MTMR3: variants seen among roughly 807,000 people sequenced by gnomAD.
MTMR3 encodes the protein phosphatidylinositol-3,5-bisphosphate 3-phosphatase MTMR3.
A neutral mutation model predicts 132.4 loss-of-function variants in MTMR3; 32 were observed. The observed-to-expected ratio is 0.24, with a 90% CI of 0.18 to 0.32. The LOEUF is 0.32. Among genes scored for constraint, MTMR3 ranks in the 10% least tolerant of loss-of-function variants. The probability of loss-of-function intolerance (pLI) is 1.00; values close to 1 mark genes in which losing one functional copy is unlikely to be tolerated. For synonymous variants in MTMR3, 556 were observed against 550.3 expected, an observed-to-expected ratio of 1.01 and a Z score of -0.14; for missense variants, 1,216 against 1,489.6, an observed-to-expected ratio of 0.82 and a Z score of 3.02.
intron 1 of MTMR3, among the ~76,000 whole-genome samples, chr22:29,893,240 G>T (rs968975749): frequency 6.6e-6 from 1 of 152,126 alleles, no homozygotes; most frequent in African/African-American, 2.4e-5. Flanking sequence ...CGTGGAAGAG[G>T]TCTTGAATTT....
At chr22:29,924,279 T>A (rs1325054190) in intron 1 of MTMR3, among the ~76,000 whole-genome samples, 1 of 152,250 alleles carries the variant, frequency 6.6e-6, no homozygotes, top group Non-Finnish European at 1.5e-5. Flanking sequence ...GTTTTGCTTA[T>A]GGATATCCAG....
chr22:30,006,865 T>G, intron 9 of MTMR3: 1 of 449,220 alleles, frequency 2.2e-6, no homozygotes, highest in Non-Finnish European at 4.1e-6. Context: ...TGACCCCTGT[T>G]AGTCATTTTT....
chr22:29,979,105 A>G, intron 5 of MTMR3, 53 bp downstream of exon 5: 1 of 1,216,806 alleles, frequency 8.2e-7, no homozygotes, highest in Middle Eastern at 1.9e-4. Context: ...AAGTAAGTCA[A>G]AAAACTTAAT....
chr22:29,912,936 G>A (rs1361826250), intron 1 of MTMR3, among the ~76,000 whole-genome samples: 6 of 151,976 alleles, frequency 3.9e-5, no homozygotes, highest in African/African-American at 1.5e-4. Context: ...CATAGTTCTG[G>A]AGCTCCATCG....
intron 1 of MTMR3, among the ~76,000 whole-genome samples, chr22:29,896,869 TCA>T (rs61038012): frequency 0.014 from 1,938 of 138,182 alleles, 34 homozygotes; most frequent in African/African-American, 0.041. Context: ...CAGGCTTGTC[TCA>T]CACACACACA....
chr22:29,957,307 A>G (rs1198933183), intron 2 of MTMR3, among the ~76,000 whole-genome samples: 1 of 145,884 alleles, frequency 6.9e-6, no homozygotes, highest in Non-Finnish European at 1.5e-5. Flanking sequence ...CTTTTTCTAT[A>G]TATAATTGCA....
intron 2 of MTMR3, among the ~76,000 whole-genome samples, chr22:29,969,994 C>G (rs2066501348): frequency 6.6e-6 from 1 of 152,194 alleles, no homozygotes; most frequent in Non-Finnish European, 1.5e-5. Flanking sequence ...CTGAAATATC[C>G]TGTGTTACAG....
At chr22:29,930,126 T>C (rs1477305505) in intron 1 of MTMR3, among the ~76,000 whole-genome samples, 1 of 152,250 alleles carries the variant, frequency 6.6e-6, no homozygotes, top group African/African-American at 2.4e-5. Flanking sequence ...ATATTTTTGC[T>C]TTTGAAAGTC....
Position 29,957,415 on chromosome 22 carries a change from GTATTTATTTATTTATT to G in MTMR3, c.-85+356_-85+371del, listed in dbSNP as rs59964116. Among the ~76,000 whole-genome samples the G allele has an allele frequency of 9.3e-3, 1,374 of 147,104 alleles. 19 individuals carry two copies. The highest frequency in any genetic ancestry group is 0.021 in the Middle Eastern group (6 of 284). On this transcript the variant is annotated intron_variant, in intron 2 of 19. Transcript: ENST00000401950. ...TAAATAGATTTATCAATCTCCAGTT[GTATTTATTTATTTATT>G]TATTTATTTATTTATTTATTTATTT... is the stretch of plus-strand genomic sequence containing the variant.
At position 30,021,893 on chromosome 22, in the gene MTMR3, T is replaced by C. The variant is rs1272930867; in HGVS notation, c.3226-136T>C. 3 of 662,038 alleles carry C rather than the reference T, an allele frequency of 4.5e-6. No individual in the cohort carries two copies. The African/African-American group carries it at 5.4e-5, about 12-fold the overall frequency. The allele number at this position is 662,038 out of a possible 1,614,324, so 41.0% of individuals were successfully genotyped here. On this transcript the variant is annotated intron_variant, in intron 17 of 19. Coordinates refer to ENST00000401950, the MANE Select transcript of MTMR3 (RefSeq NM_021090.4). ...CTTCTTCACCCCAGTTCTTGATGGC[T>C]GATGCATCTGCAGATTCGGCAGTCC...
intron 1 of MTMR3, among the ~76,000 whole-genome samples, chr22:29,949,190 C>T (rs1036239935): frequency 4.5e-5 from 6 of 134,716 alleles, no homozygotes; most frequent in African/African-American, 1.4e-4. Context: ...CACACACATG[C>T]GTGCGCGTGC....
intron 1 of MTMR3, among the ~76,000 whole-genome samples, chr22:29,889,618 A>T (rs2064753116): frequency 6.6e-6 from 1 of 151,970 alleles, no homozygotes; most frequent in African/African-American, 2.4e-5. Flanking sequence ...TAAAAAAAAA[A>T]GTAGAGATGA....
chr22:29,968,019 CT>C (rs1414680191), intron 2 of MTMR3, among the ~76,000 whole-genome samples: 2 of 151,778 alleles, frequency 1.3e-5, no homozygotes, highest in Non-Finnish European at 2.9e-5. Context: ...GTTGTTTGCA[CT>C]TTTGGCCATC....
intron 2 of MTMR3, among the ~76,000 whole-genome samples, chr22:29,967,916 A>ATT (rs2066459669): frequency 4.6e-5 from 4 of 86,984 alleles, no homozygotes; most frequent in Admixed American, 4.5e-4. Context: ...CATTATATAT[A>ATT]CTGTGTGTGT....
At chr22:29,894,168 T>C (rs527702623) in intron 1 of MTMR3, among the ~76,000 whole-genome samples, 5 of 152,274 alleles carry the variant, frequency 3.3e-5, no homozygotes, top group Admixed American at 3.3e-4. Flanking sequence ...TTAAAGTCTT[T>C]ATTTTTCACT....
At chr22:29,902,937 T>TG (rs1477988607) in intron 1 of MTMR3, among the ~76,000 whole-genome samples, 1 of 152,132 alleles carries the variant, frequency 6.6e-6, no homozygotes, top group East Asian at 1.9e-4. Context: ...GAAAAGAGAT[T>TG]GCAGGCTGGA....
rs2067951908 is a variant in MTMR3 at position 30,028,401 on chromosome 22, C to T, written c.*2600C>T. On this transcript the variant is annotated 3_prime_UTR_variant, in exon 20 of 20. Coordinates refer to ENST00000401950, the MANE Select transcript of MTMR3 (RefSeq NM_021090.4). ...AGGTCTCCTTCCCGCCCTCTCTCCA[C>T]ACAGAGAGGAACCTCTGCTCCTTAG... The T allele has an allele frequency of 6.6e-6, 1 of 151,284 alleles. No homozygotes were observed. The highest frequency in any genetic ancestry group is 2.4e-5 in the African/African-American group (1 of 41,432). The allele number at this position is 151,284 out of a possible 1,614,324, so 9.4% of individuals were successfully genotyped here. A position where few individuals can be genotyped will look rare whatever the true frequency, so the allele number is the denominator to read the frequency against.
At chr22:30,012,331 A>G (rs771087834) in intron 12 of MTMR3, 37 bp from the exon 13 acceptor site, 1 of 1,591,876 alleles carries the variant, frequency 6.3e-7, no homozygotes, top group African/African-American at 1.4e-5. Context: ...AAATCATAAA[A>G]AAATCAGCAT....
rs2067929696 is a variant in MTMR3, at chr22:30,027,313, TC to T, written c.*1515del. The T allele has an allele frequency of 6.5e-6, 1 of 152,808 alleles. No individual in the cohort carries two copies. The highest frequency in any genetic ancestry group is 1.5e-5 in the Non-Finnish European group (1 of 68,094). 9.5% of individuals were successfully genotyped at this position (152,808 alleles called of 1,614,324 possible). ...TATTCCTCTTCCCCTTGGTAGCAGT[TC>T]CCTGACCAAGGGCAAGGTGTGTCTC... On this transcript the variant is annotated 3_prime_UTR_variant, in exon 20 of 20. Transcript: ENST00000401950.
Sources: gnomAD v4.1 joint callset for allele counts (sites outside exome capture counted in the v4.1 genomes callset) on GRCh38, gnomAD v4.1.1 for gene constraint, MANE v1.5 for transcripts, NCBI Gene and HGNC (gene_info 2026-07-23, HGNC 2026-07-21) for gene names.